PDE7B: variants seen among roughly 807,000 people sequenced by gnomAD.
PDE7B encodes the protein 3',5'-cyclic-AMP phosphodiesterase 7B.
PDE7B carries 29 observed loss-of-function variants against 56.2 expected under a neutral mutation model. The ratio of observed to expected loss-of-function variants is 0.52; its 90% CI spans 0.38 to 0.70. The LOEUF (loss-of-function observed/expected upper bound fraction) is 0.70. Ranked by LOEUF, PDE7B falls within the 30% of genes least tolerant of loss-of-function variation. The probability of loss-of-function intolerance (pLI) is 0.00; values close to 1 mark genes in which losing one functional copy is unlikely to be tolerated. For synonymous variants in PDE7B, 197 were observed against 196.9 expected, an observed-to-expected ratio of 1.00 and a Z score of 0.00; for missense variants, 490 against 565.0, an observed-to-expected ratio of 0.87 and a Z score of 1.35.
At chr6:135,934,927 ATATT>A (rs1465175968) in intron 1 of PDE7B, among the ~76,000 whole-genome samples, 7 of 103,204 alleles carry the variant, frequency 6.8e-5, no homozygotes, top group Non-Finnish European at 1.2e-4. Context: ...ATTTAAATAT[ATATT>A]TAAATATATA....
chr6:135,979,129 G>A lies in PDE7B; in HGVS notation c.82+31605G>A, dbSNP rs1562458791. On this transcript the variant is annotated intron_variant, in intron 2 of 12. Transcript: ENST00000308191. ...CAAAGGCCTTTTCTGCATCTATTGA[G>A]ATAATCATGTGGTTTTTGTCTTTGG... Among the ~76,000 whole-genome samples the A allele has an allele frequency of 2.0e-5, 3 of 151,914 alleles. No homozygotes were observed. In the South Asian group the frequency reaches 6.2e-4, roughly 31 times the overall value.
At chr6:136,097,154 C>G (rs916873647) in intron 2 of PDE7B, among the ~76,000 whole-genome samples, 4 of 152,198 alleles carry the variant, frequency 2.6e-5, no homozygotes, top group African/African-American at 9.6e-5. Context: ...TCCTAGGCAA[C>G]TTCATGATGA....
In PDE7B at chr6:135,930,718, G is replaced by A. The variant is rs1774279053; in HGVS notation, c.22-16746G>A. ...GGATGCTGGGTTGTGCAGCTGAGCT[G>A]GAAAATAAGAATAATCAACAATGCT... On this transcript the variant is annotated intron_variant, in intron 1 of 12. Transcript: ENST00000308191. 2.0e-5 allele frequency among the ~76,000 whole-genome samples: 3 copies of A among 152,012 alleles called. No individual in the cohort carries two copies. In the South Asian group the frequency reaches 6.2e-4, roughly 32 times the overall value.
chr6:136,146,127 C>T (rs766660969), intron 3 of PDE7B, among the ~76,000 whole-genome samples: 11 of 152,178 alleles, frequency 7.2e-5, no homozygotes, highest in Non-Finnish European at 1.3e-4. Context: ...TTTCCTCTGC[C>T]TCTGCCATCT....
intron 7 of PDE7B, among the ~76,000 whole-genome samples, chr6:136,154,730 T>C (rs1268070516): frequency 6.6e-6 from 1 of 152,222 alleles, no homozygotes; most frequent in East Asian, 1.9e-4. Context: ...ATTAAAAACA[T>C]TGTAATAATG....
At chr6:136,098,776 C>CTT (rs576368817) in intron 2 of PDE7B, among the ~76,000 whole-genome samples, 2 of 139,070 alleles carry the variant, frequency 1.4e-5, no homozygotes, top group African/African-American at 3.0e-5. Context: ...ACCTACTTTT[C>CTT]TTTTTTTTTT....
chr6:135,864,102 ATTTTACATTG>A (rs1041561218), intron 1 of PDE7B, among the ~76,000 whole-genome samples: 1 of 151,892 alleles, frequency 6.6e-6, no homozygotes, highest in African/African-American at 2.4e-5. Flanking sequence ...CTTTTACATT[ATTTTACATTG>A]TTTTACTGGT....
chr6:135,876,174 G>T (rs548265443), intron 1 of PDE7B, among the ~76,000 whole-genome samples: 1 of 152,196 alleles, frequency 6.6e-6, no homozygotes, highest in Non-Finnish European at 1.5e-5. Flanking sequence ...AGTAGAAATG[G>T]CTGTGAGAAG....
chr6:135,960,165 T>C (rs113809040), intron 2 of PDE7B, among the ~76,000 whole-genome samples: 4,664 of 152,218 alleles, frequency 0.031, 233 homozygotes, highest in African/African-American at 0.1. Context: ...CTGGTCTACT[T>C]CCTAGGATTC....
chr6:135,980,700 C>A (rs1370696495), intron 2 of PDE7B, among the ~76,000 whole-genome samples: 1 of 150,460 alleles, frequency 6.6e-6, no homozygotes, highest in Non-Finnish European at 1.5e-5. Context: ...CCATCACTGG[C>A]CATCAGAGAA....
chr6:136,088,430 C>T (rs1293025539), intron 2 of PDE7B, among the ~76,000 whole-genome samples: 1 of 152,154 alleles, frequency 6.6e-6, no homozygotes, highest in Non-Finnish European at 1.5e-5. Context: ...ATGCACTAAG[C>T]TGGATGCCCC....
chr6:136,029,878 A>G (rs756889942), intron 2 of PDE7B, among the ~76,000 whole-genome samples: 2 of 152,228 alleles, frequency 1.3e-5, no homozygotes, highest in Non-Finnish European at 2.9e-5. Context: ...AAAAGGGTCC[A>G]GTAGGAATCC....
intron 2 of PDE7B, among the ~76,000 whole-genome samples, chr6:136,061,355 T>C (rs1028675314): frequency 1.3e-5 from 2 of 152,350 alleles, no homozygotes; most frequent in Admixed American, 6.5e-5. Context: ...TTAAACACTT[T>C]CTTTAAAATT....
intron 1 of PDE7B, among the ~76,000 whole-genome samples, chr6:135,897,009 ACT>A (rs1259743295): frequency 6.6e-6 from 1 of 151,966 alleles, no homozygotes; most frequent in African/African-American, 2.4e-5. Context: ...CTCAAGAAAG[ACT>A]CTCTGATACC....
intron 2 of PDE7B, among the ~76,000 whole-genome samples, chr6:136,068,313 T>G (rs1325536236): frequency 6.6e-6 from 1 of 152,060 alleles, no homozygotes; most frequent in Non-Finnish European, 1.5e-5. Flanking sequence ...GCCAGGTCAT[T>G]AGTGGATTCA....
At chr6:136,155,596 C>T in intron 7 of PDE7B, 31 bp from the exon 8 acceptor site, 1 of 1,579,220 alleles carries the variant, frequency 6.3e-7, no homozygotes, top group South Asian at 1.1e-5. Context: ...GAAAATACAC[C>T]AATCAATCTC....
At chr6:136,160,828 C>A (rs1778691621) in intron 8 of PDE7B, among the ~76,000 whole-genome samples, 2 of 152,108 alleles carry the variant, frequency 1.3e-5, no homozygotes, top group Admixed American at 6.5e-5. Context: ...TCACTCAATT[C>A]TTTATCCATT....
At chr6:135,888,975 A>G (rs948631703) in intron 1 of PDE7B, among the ~76,000 whole-genome samples, 4 of 152,210 alleles carry the variant, frequency 2.6e-5, no homozygotes, top group African/African-American at 9.6e-5. Context: ...CTAAATATCT[A>G]GTCTAGATGA....
At chr6:135,998,705 G>A (rs989628375) in intron 2 of PDE7B, among the ~76,000 whole-genome samples, 3 of 151,814 alleles carry the variant, frequency 2.0e-5, no homozygotes, top group South Asian at 4.2e-4. Flanking sequence ...GCAGTGAGCC[G>A]AGATGGCGCC....
Sources: gnomAD v4.1 joint callset for allele counts (sites outside exome capture counted in the v4.1 genomes callset) on GRCh38, gnomAD v4.1.1 for gene constraint, MANE v1.5 for transcripts, NCBI Gene and HGNC (gene_info 2026-07-23, HGNC 2026-07-21) for gene names.